Variants in SLC25A12 observed in about 807,000 individuals in gnomAD.
SLC25A12 encodes solute carrier family 25 member 12.
In SLC25A12, 32 loss-of-function variants were observed where a neutral mutation model predicts 83.3. The observed-to-expected ratio is 0.38, with a 90% CI of 0.29 to 0.52. The LOEUF is 0.52. Among genes scored for constraint, SLC25A12 ranks in the 20% least tolerant of loss-of-function variants. The pLI is 0.84. For synonymous variants in SLC25A12, 267 were observed against 291.1 expected (o/e 0.92, Z 0.84); for missense variants, 611 against 835.6 (o/e 0.73, Z 3.31).
chr2:171,876,116 G>A (rs1048768512), intron 2 of SLC25A12, among the ~76,000 whole-genome samples: 7 of 152,132 alleles, frequency 4.6e-5, no homozygotes, highest in African/African-American at 1.4e-4. Context: ...GACATGTACT[G>A]AAACAGGCTT....
At chr2:171,881,824 A>G (rs1350919243) in intron 2 of SLC25A12, among the ~76,000 whole-genome samples, 3 of 152,100 alleles carry the variant, frequency 2.0e-5, no homozygotes, top group Non-Finnish European at 4.4e-5. Flanking sequence ...GAAAATAATG[A>G]GCCATGGGAT....
At chr2:171,793,570 C>G in intron 14 of SLC25A12, 57 bp downstream of exon 14, 2 of 1,555,418 alleles carry the variant, frequency 1.3e-6, no homozygotes, top group East Asian at 2.2e-5. Flanking sequence ...GGGAAGAAGT[C>G]TGGTTTCCAC....
At chr2:171,833,556 C>A (rs1056689322) in intron 8 of SLC25A12, among the ~76,000 whole-genome samples, 3 of 152,188 alleles carry the variant, frequency 2.0e-5, no homozygotes, top group East Asian at 1.9e-4. Context: ...CAGGCGTGAG[C>A]CACTGGGCCC....
chr2:171,791,770 G>A (rs1168269533), intron 14 of SLC25A12, among the ~76,000 whole-genome samples, 181 bp from the exon 15 acceptor site: 1 of 152,126 alleles, frequency 6.6e-6, no homozygotes, highest in Non-Finnish European at 1.5e-5. Flanking sequence ...GGAGATAAGT[G>A]GGGAATAGGG....
At chr2:171,848,914 G>T (rs1010327616) in intron 4 of SLC25A12, among the ~76,000 whole-genome samples, 2 of 152,244 alleles carry the variant, frequency 1.3e-5, no homozygotes, top group African/African-American at 4.8e-5. Flanking sequence ...TATCGGTTGG[G>T]CGTGGTGGCT....
intron 13 of SLC25A12, among the ~76,000 whole-genome samples, chr2:171,796,366 G>C (rs954651182): frequency 6.6e-6 from 1 of 152,154 alleles, no homozygotes; most frequent in Non-Finnish European, 1.5e-5. Context: ...CAATTGATGT[G>C]CATTTATAAA....
chr2:171,890,231 A>G (rs773576260), intron 2 of SLC25A12, among the ~76,000 whole-genome samples: 1 of 152,246 alleles, frequency 6.6e-6, no homozygotes, highest in African/African-American at 2.4e-5. Flanking sequence ...TCCTTTGTAA[A>G]TATTTGTTGG....
intron 8 of SLC25A12, among the ~76,000 whole-genome samples, chr2:171,833,540 G>C (rs1367173047): frequency 6.6e-6 from 1 of 152,076 alleles, no homozygotes; most frequent in African/African-American, 2.4e-5. Flanking sequence ...CAAAGTGCTG[G>C]GATTACAGGC....
At chr2:171,873,606 C>T (rs1357532905) in intron 2 of SLC25A12, among the ~76,000 whole-genome samples, 1 of 152,052 alleles carries the variant, frequency 6.6e-6, no homozygotes, top group Non-Finnish European at 1.5e-5. Flanking sequence ...TCAGAAGGTA[C>T]CAAAGAATAT....
chr2:171,795,156 G>A (rs910109647), intron 13 of SLC25A12, among the ~76,000 whole-genome samples: 10 of 152,042 alleles, frequency 6.6e-5, no homozygotes, highest in African/African-American at 2.2e-4. Flanking sequence ...GATTCCCCAG[G>A]GCCTTAATCC....
chr2:171,887,948 G>GA (rs1685855976), intron 2 of SLC25A12, among the ~76,000 whole-genome samples: 1 of 152,000 alleles, frequency 6.6e-6, no homozygotes, highest in Non-Finnish European at 1.5e-5. Context: ...AACACCACAG[G>GA]AAAAATGAAC....
intron 2 of SLC25A12, among the ~76,000 whole-genome samples, chr2:171,871,408 T>C (rs138634538): frequency 6.4e-4 from 98 of 152,278 alleles, no homozygotes; most frequent in African/African-American, 2.2e-3. Context: ...CTACTAAAAA[T>C]ACAAAAATTA....
chr2:171,870,548 G>C (rs558189442), intron 2 of SLC25A12, among the ~76,000 whole-genome samples: 1 of 152,268 alleles, frequency 6.6e-6, no homozygotes, highest in South Asian at 2.1e-4. Flanking sequence ...TTGAGCCTAG[G>C]AGGTGGAGGT....
At chr2:171,837,415 T>C (rs1684582614) in intron 5 of SLC25A12, 148 bp from the exon 6 acceptor site, 1 of 826,454 alleles carries the variant, frequency 1.2e-6, no homozygotes, top group Non-Finnish European at 1.9e-6. Flanking sequence ...AACAAAACTT[T>C]TAATTTCTTT....
intron 3 of SLC25A12, among the ~76,000 whole-genome samples, chr2:171,867,112 G>A (rs1222839760): frequency 1.8e-3 from 266 of 151,796 alleles, no homozygotes; most frequent in African/African-American, 6.3e-3. Context: ...TCCTAGATGG[G>A]ATGGCGGCCG....
Position 171,784,456 on chromosome 2 carries a change from T to C in SLC25A12, c.*818A>G, listed in dbSNP as rs1690451060. The C allele has an allele frequency of 6.6e-6, 1 of 152,286 alleles. No individual in the cohort carries two copies. The highest frequency in any genetic ancestry group is 2.1e-4 in the South Asian group (1 of 4,836). The allele number at this position is 152,286 out of a possible 1,614,324, so 9.4% of individuals were successfully genotyped here. ...AAGTATCCTTTACTCTTTTGAAAGC[T>C]TGGCCTTTGCCTTACTGTGTCAAAG... On this transcript the variant is annotated 3_prime_UTR_variant, in exon 18 of 18. Coordinates refer to ENST00000422440, the MANE Select transcript of SLC25A12 (RefSeq NM_003705.5).
chr2:171,841,759 A>G (rs911944888), intron 5 of SLC25A12, among the ~76,000 whole-genome samples: 1 of 152,196 alleles, frequency 6.6e-6, no homozygotes, highest in Non-Finnish European at 1.5e-5. Context: ...TATTCTACCA[A>G]AAATAGGTAA....
intron 5 of SLC25A12, among the ~76,000 whole-genome samples, chr2:171,839,585 C>T (rs1684630399): frequency 6.6e-6 from 1 of 151,998 alleles, no homozygotes; most frequent in South Asian, 2.1e-4. Flanking sequence ...TTCCAAAATG[C>T]CACTCTCCAC....
intron 9 of SLC25A12, among the ~76,000 whole-genome samples, chr2:171,819,666 T>G (rs1234127432): frequency 6.6e-6 from 1 of 151,520 alleles, no homozygotes; most frequent in Non-Finnish European, 1.5e-5. Flanking sequence ...ACTTTCTTTT[T>G]GAGAACAGAC....
Sources: gnomAD v4.1 joint callset for allele counts (sites outside exome capture counted in the v4.1 genomes callset) on GRCh38, gnomAD v4.1.1 for gene constraint, MANE v1.5 for transcripts, NCBI Gene and HGNC (gene_info 2026-07-23, HGNC 2026-07-21) for gene names.